The following ATRAID variants were observed in gnomAD, a reference collection of about 807,000 sequenced individuals.
ATRAID encodes all-trans retinoic acid-induced differentiation factor.
A neutral mutation model predicts 28.8 loss-of-function variants in ATRAID; 26 were observed. The observed-to-expected ratio is 0.90, with a 90% confidence interval of 0.66 to 1.25. The LOEUF is 1.25. Among genes scored for constraint, ATRAID ranks in the 50% most tolerant of loss-of-function variants. The pLI is 0.00. For synonymous variants in ATRAID, 131 were observed against 108.5 expected (o/e 1.21, Z -1.29); for missense variants, 308 against 285.9 (o/e 1.08, Z -0.56).
Position 27,213,317 on chromosome 2 carries a change from T to G in ATRAID, c.221+19T>G. On this transcript the variant is annotated intron_variant, in intron 2 of 6. Transcript: ENST00000380171. ...TCTTGGGGTGAGGGGAAGACATCCC[T>G]AGATGCTGGATACAGGCCATTCCTT... The G allele has an allele frequency of 6.2e-7, 1 of 1,611,350 alleles. No individual in the cohort carries two copies. Among genetic ancestry groups the G allele is most frequent in the Non-Finnish European group, 8.5e-7 (1 of 1,177,808 alleles).
chr2:27,216,831 C>T lies in ATRAID; in HGVS notation c.586-13C>T, dbSNP rs1674863431. The T allele has an allele frequency of 6.2e-7, 1 of 1,609,110 alleles. No homozygotes were observed. The highest frequency in any genetic ancestry group is 8.5e-7 in the Non-Finnish European group (1 of 1,175,844). On this transcript the variant is annotated splice_polypyrimidine_tract_variant and intron_variant, in intron 6 of 6. Coordinates refer to ENST00000380171, the MANE Select transcript of ATRAID (RefSeq NM_001170795.4). Reference sequence around the variant, plus strand: ...ACGTTGTATGGGGGTGTTTTTTGGTCTGTTGTTCACAGGGCTCGTTCTCAC... The same window carrying T: ...ACGTTGTATGGGGGTGTTTTTTGGTTTGTTGTTCACAGGGCTCGTTCTCAC...
In ATRAID at chr2:27,215,740, C is replaced by T; in HGVS notation, c.474C>T (p.Asn158=). Reference sequence around the variant, plus strand: ...AAGGGCAAAAGAACCTTTGCAATAACACTGGGGACCCAGGTATGCTGTCTT... The same window carrying T: ...AAGGGCAAAAGAACCTTTGCAATAATACTGGGGACCCAGGTATGCTGTCTT... ...ICQGQKNLCN[N]TGDPEMCPEN... is the part of the protein sequence containing the mutation. The change falls in exon 5 of 7, where the codon AAC becomes AAT. Residue 158 remains asparagine (N), a synonymous_variant. Coordinates refer to ENST00000380171, the MANE Select transcript of ATRAID (RefSeq NM_001170795.4). The T allele has an allele frequency of 6.2e-7, 1 of 1,614,206 alleles. No homozygotes were observed. Among genetic ancestry groups the T allele is most frequent in the Non-Finnish European group, 8.5e-7 (1 of 1,180,028 alleles).
At position 27,215,465 on chromosome 2, in the gene ATRAID, A is replaced by G. The variant is rs1674786364; in HGVS notation, c.294-9A>G. On this transcript the variant is annotated splice_polypyrimidine_tract_variant and intron_variant, in intron 3 of 6. Coordinates refer to ENST00000380171, the MANE Select transcript of ATRAID (RefSeq NM_001170795.4). ...TGATGCGAAAGTGCTAACATTGTGT[A>G]CTTTGCAGAGACCTGCAAGCAAACC... The G allele has an allele frequency of 4.3e-6, 7 of 1,614,200 alleles. No homozygotes were observed. Among genetic ancestry groups the G allele is most frequent in the Non-Finnish European group, 5.9e-6 (7 of 1,180,022 alleles).
Position 27,215,841 on chromosome 2 carries a change from C to T in ATRAID, c.487+88C>T, listed in dbSNP as rs1046409986. ...GATCAGAAAGACAAAGTTGCTTAAG[C>T]GCCTTTCATTCAGAGTTCTGGGGCT... On this transcript the variant is annotated intron_variant, in intron 5 of 6. Transcript: ENST00000380171. 66 of 1,527,958 alleles carry T rather than the reference C, an allele frequency of 4.3e-5. No homozygotes were observed. The African/African-American group carries it at 6.4e-4, about 15-fold the overall frequency. The allele number at this position is 1,527,958 out of a possible 1,614,324, so 94.7% of individuals were successfully genotyped here.
chr2:27,215,288 C>T, intron 2 of ATRAID, 33 bp from the exon 3 acceptor site: 1 of 1,603,096 alleles, frequency 6.2e-7, no homozygotes. Context: ...AAAAGAGGAA[C>T]ACACAGTTAT....
In ATRAID at chr2:27,212,079, G is replaced by A. The variant is rs1202379473; in HGVS notation, c.-290G>A. On this transcript the variant is annotated 5_prime_UTR_variant, in exon 1 of 7. Coordinates refer to ENST00000380171, the MANE Select transcript of ATRAID (RefSeq NM_001170795.4). ...GCCGCGACCTCGGCGTCCGGACGCG[G>A]GGAACACCGGGCTGAGGGAGTCTGC... 7.6e-7 allele frequency: 1 copy of A among 1,313,904 alleles called. No individual in the cohort carries two copies. Among genetic ancestry groups the A allele is most frequent in the Non-Finnish European group, 1.0e-6 (1 of 985,050 alleles). The allele number at this position is 1,313,904 out of a possible 1,614,324, so 81.4% of individuals were successfully genotyped here. A position where few individuals can be genotyped will look rare whatever the true frequency, so the allele number is the denominator to read the frequency against.
In ATRAID at chr2:27,213,213, T is replaced by G; in HGVS notation, c.136T>G (p.Ser46Ala). 3.1e-6 allele frequency: 5 copies of G among 1,614,164 alleles called. No homozygotes were observed. The highest frequency in any genetic ancestry group is 3.4e-6 in the Non-Finnish European group (4 of 1,180,004). ...TQCPGSVQNL[S>A]KVAFYCKTTR... ...ATGTCCAGGGAGCGTGCAAAATTTG[T>G]CAAAAGTGGCCTTTTATTGTAAAAC... Residue 46 changes from serine to alanine, a missense_variant, in exon 2 of 7, where the codon TCA becomes GCA. Ser to Ala is a moderately conservative substitution (Grantham distance 99, BLOSUM62 1). Transcript: ENST00000380171.
chr2:27,215,812 T>A, intron 5 of ATRAID, 59 bp downstream of exon 5: 1 of 1,584,190 alleles, frequency 6.3e-7, no homozygotes, highest in South Asian at 1.2e-5. Context: ...TATTTTCCAC[T>A]TTAGATCAGA....
At position 27,216,555 on chromosome 2, in the gene ATRAID, G is replaced by A; in HGVS notation, c.520G>A (p.Asp174Asn). The stretch of plus-strand genomic sequence containing the variant: ...TCCTGAGAATGGATCTTGTGTACCT[G>A]ATGGTCCAGGTCTTTTGCAGTGTGT... ...MCPENGSCVP[D>N]GPGLLQCVCA... The change falls in exon 6 of 7, where the codon GAT (aspartate) becomes AAT (asparagine). Residue 174 changes from aspartate (D) to asparagine (N), a missense_variant. Coordinates refer to ENST00000380171, the MANE Select transcript of ATRAID (RefSeq NM_001170795.4). 1 of 1,614,148 alleles carries A rather than the reference G, an allele frequency of 6.2e-7. No individual in the cohort carries two copies. Among genetic ancestry groups the A allele is most frequent in the South Asian group, 1.1e-5 (1 of 91,086 alleles).
rs770971233 is a variant in ATRAID, at chr2:27,213,200, C to G, written c.123C>G (p.Ser41Arg). ...AGATATGCACCCAATGTCCAGGGAG[C>G]GTGCAAAATTTGTCAAAAGTGGCCT... The part of the protein sequence containing the change: ...LPEICTQCPG[S>R]VQNLSKVAFY... Residue 41 changes from serine (S) to arginine (R), a missense_variant, in exon 2 of 7, where the codon AGC becomes AGG. Physicochemically the swap from Ser to Arg is moderately radical, Grantham distance 110 (BLOSUM62 -1). Transcript: ENST00000380171. The G allele has an allele frequency of 1.2e-6, 2 of 1,613,924 alleles. No individual in the cohort carries two copies. Among genetic ancestry groups the G allele is most frequent in the Admixed American group, 3.3e-5 (2 of 59,974 alleles).
chr2:27,213,413 C>G (rs1345101040), intron 2 of ATRAID, 115 bp downstream of exon 2: 2 of 1,326,222 alleles, frequency 1.5e-6, no homozygotes, highest in East Asian at 5.0e-5. Context: ...GTAATCATCA[C>G]GCAGATGTCT....
At chr2:27,213,426 C>A in intron 2 of ATRAID, 128 bp downstream of exon 2, 2 of 1,214,860 alleles carry the variant, frequency 1.6e-6, no homozygotes, top group Non-Finnish European at 2.2e-6. Context: ...AGATGTCTAC[C>A]AAAACTAGAT....
At chr2:27,216,819 G>GTGT (rs748886262) in intron 6 of ATRAID, 25 bp from the exon 7 acceptor site, 3 of 1,584,198 alleles carry the variant, frequency 1.9e-6, no homozygotes, top group Non-Finnish European at 2.6e-6. Flanking sequence ...TTGTATGGGG[G>GTGT]TGTTTTTTGG....
chr2:27,216,811 G>GTA, intron 6 of ATRAID, 33 bp from the exon 7 acceptor site: 3 of 1,572,570 alleles, frequency 1.9e-6, no homozygotes, highest in Non-Finnish European at 2.6e-6. Context: ...GTGTAACGTT[G>GTA]TATGGGGGTG....
intron 2 of ATRAID, 22 bp downstream of exon 2, chr2:27,213,320 A>T (rs769193610): frequency 6.2e-7 from 1 of 1,610,574 alleles, no homozygotes; most frequent in South Asian, 1.1e-5. Context: ...ACATCCCTAG[A>T]TGCTGGATAC....
At chr2:27,216,103 G>A (rs931523469) in intron 5 of ATRAID, among the ~76,000 whole-genome samples, 3 of 152,174 alleles carry the variant, frequency 2.0e-5, no homozygotes, top group African/African-American at 7.2e-5. Context: ...GGCAGGGGAT[G>A]GATCTTACAA....
chr2:27,217,152 CT>C (rs958344934), exon 7 of ATRAID: 62 of 455,974 alleles, frequency 1.4e-4, no homozygotes, highest in South Asian at 2.4e-4. Context: ...ACACTTTTTT[CT>C]TTTTTTTTCC....
At chr2:27,214,025 GC>G (rs1174610549) in intron 2 of ATRAID, among the ~76,000 whole-genome samples, 5 of 152,062 alleles carry the variant, frequency 3.3e-5, no homozygotes, top group Non-Finnish European at 5.9e-5. Context: ...GGCTCACCGC[GC>G]CCTCCACCTC....
chr2:27,213,881 A>G (rs1364245423), intron 2 of ATRAID, among the ~76,000 whole-genome samples: 1 of 152,220 alleles, frequency 6.6e-6, no homozygotes, highest in Admixed American at 6.5e-5. Context: ...CCATCCTTCA[A>G]TTCCAACATC....
Sources: allele counts gnomAD v4.1 joint callset (sites outside exome capture counted in the v4.1 genomes callset), GRCh38; gene constraint gnomAD v4.1.1; transcripts MANE v1.5; gene names NCBI Gene and HGNC (gene_info 2026-07-23, HGNC 2026-07-21).